Variants in RGPD3 observed in about 807,000 individuals in gnomAD.
RGPD3 encodes the protein RANBP2 like and GRIP domain containing 3.
RGPD3 carries 62 observed loss-of-function variants against 154.5 expected under a neutral mutation model. The ratio of observed to expected loss-of-function variants is 0.40; its 90% CI spans 0.33 to 0.50. The LOEUF is 0.50. RGPD3 is among the 20% of genes least tolerant of loss of function. The pLI is 0.59. For missense variants in RGPD3, 919 were observed against 1,716.8 expected, an observed-to-expected ratio of 0.54 and a Z score of 8.21; for synonymous variants, 308 against 607.0, an observed-to-expected ratio of 0.51 and a Z score of 7.24.
In RGPD3 at chr2:106,424,190, C is replaced by T. The variant is rs1260325202; in HGVS notation, c.3777G>A (p.Leu1259=). ...WDNYDLREDA[L]DDSVSSSSVH... ...CTGAGCTACTACTGACACTATCATCCAAAGCATCTTCCCTTAAATCATAGT... is the reference window on the plus strand; with the variant it reads ...CTGAGCTACTACTGACACTATCATCTAAAGCATCTTCCCTTAAATCATAGT... The change falls in exon 20 of 23, where the codon TTG becomes TTA. Residue 1259 remains leucine, a synonymous_variant. Transcript: ENST00000409886. 1 of 1,611,756 alleles carries T rather than the reference C, an allele frequency of 6.2e-7. No homozygotes were observed. Among genetic ancestry groups the T allele is most frequent in the African/African-American group, 1.3e-5 (1 of 74,828 alleles).
In RGPD3 at chr2:106,436,185, G is replaced by A. The variant is rs562306509; in HGVS notation, c.1696C>T (p.Gln566Ter). Reference protein sequence around the residue: ...VQHEINTLRAQEKHGLQPALL... With the variant: ...VQHEINTLRA ...GCAGGTTGAAGGCCATGTTTTTCCT[G>A]GGCTCTTAGAGTGTTTATTTCATGC... Residue 566 changes from glutamine (Q) to a stop codon, truncating the protein, a stop_gained, in exon 12 of 23, where the codon CAG becomes TAG. Coordinates refer to ENST00000409886, the MANE Select transcript of RGPD3 (RefSeq NM_001144013.2). LOFTEE classifies it high-confidence loss of function. 9.9e-6 allele frequency: 16 copies of A among 1,611,698 alleles called. No individual in the cohort carries two copies. The highest frequency in any genetic ancestry group is 1.7e-6 in the Non-Finnish European group (2 of 1,179,802).
At chr2:106,461,553 C>T (rs1199851209) in intron 1 of RGPD3, among the ~76,000 whole-genome samples, 4 of 151,814 alleles carry the variant, frequency 2.6e-5, no homozygotes, top group Non-Finnish European at 5.9e-5. Context: ...TTTATATAAT[C>T]TTCCATTCAA....
chr2:106,468,412 G>C lies in RGPD3; in HGVS notation c.-124C>G. On this transcript the variant is annotated 5_prime_UTR_variant, in exon 1 of 23. Transcript: ENST00000409886. ...GCGGCGTAGCCGGCGGAGGACCACT[G>C]TGACGAACTTGTGTCCTGCGTCAAC... 6.6e-7 allele frequency: 1 copy of C among 1,522,788 alleles called. No homozygotes were observed. The highest frequency in any genetic ancestry group is 8.8e-7 in the Non-Finnish European group (1 of 1,130,916). The allele number at this position is 1,522,788 out of a possible 1,614,324, so 94.3% of individuals were successfully genotyped here. A position where few individuals can be genotyped will look rare whatever the true frequency, so the allele number is the denominator to read the frequency against.
At chr2:106,428,608 G>A (rs534519127) in intron 18 of RGPD3, among the ~76,000 whole-genome samples, 8 of 151,740 alleles carry the variant, frequency 5.3e-5, no homozygotes, top group African/African-American at 1.9e-4. Flanking sequence ...TAGTGGGGTT[G>A]CCTTAACTAT....
At chr2:106,434,130 CTGAG>C (rs1186950132) in intron 15 of RGPD3, 94 bp downstream of exon 15, 139 of 1,595,354 alleles carry the variant, frequency 8.7e-5, no homozygotes, top group South Asian at 3.4e-4. Context: ...CAACATATTA[CTGAG>C]TATTTTTTGA....
intron 6 of RGPD3, among the ~76,000 whole-genome samples, chr2:106,451,552 G>A (rs1678124475): frequency 6.6e-6 from 1 of 151,208 alleles, no homozygotes; most frequent in South Asian, 2.1e-4. Context: ...ATAAACAGAG[G>A]CATGCTGCAT....
At chr2:106,447,028 T>TC (rs1210151891) in intron 7 of RGPD3, among the ~76,000 whole-genome samples, 9 of 83,764 alleles carry the variant, frequency 1.1e-4, no homozygotes, top group African/African-American at 3.7e-4. Flanking sequence ...TCTTCTATCA[T>TC]AGGCTATAAA....
chr2:106,412,292 AGT>A (rs1676693441), intron 22 of RGPD3, among the ~76,000 whole-genome samples: 2 of 76,718 alleles, frequency 2.6e-5, no homozygotes, highest in African/African-American at 4.6e-5. Flanking sequence ...ACTACATCAT[AGT>A]TTTTTTTTTT....
At position 106,415,859 on chromosome 2, in the gene RGPD3, C is replaced by T. The variant is rs748512915; in HGVS notation, c.5055G>A (p.Glu1685=). ...GGTTTTCTGATCTCACCTTAATTTG[C>T]TCCATAAGGACTGCATTGGTTGCCT... The part of the protein sequence containing the change: ...EIEATNAVLM[E]QIKLLKSEIR... Residue 1685 remains glutamate (E), a synonymous_variant, in exon 21 of 23, where the codon GAG becomes GAA. Coordinates refer to ENST00000409886, the MANE Select transcript of RGPD3 (RefSeq NM_001144013.2). 6.2e-6 allele frequency: 10 copies of T among 1,611,838 alleles called. No individual in the cohort carries two copies. Among genetic ancestry groups the T allele is most frequent in the Non-Finnish European group, 8.5e-6 (10 of 1,179,840 alleles).
In RGPD3 at chr2:106,442,497, GAAA is replaced by G. The variant is rs200777302; in HGVS notation, c.979-1120_979-1118del. On this transcript the variant is annotated intron_variant, in intron 7 of 22. Transcript: ENST00000409886. Reference sequence around the variant, plus strand: ...AAGAGATCCTAATGCAATAACCTATGAAAAAAAAAAAAAAAGCATGATGAATAG... The same window carrying G: ...AAGAGATCCTAATGCAATAACCTATGAAAAAAAAAAAAGCATGATGAATAG... 2.4e-4 allele frequency among the ~76,000 whole-genome samples: 24 copies of G among 99,156 alleles called. 2 individuals carry two copies. The highest frequency in any genetic ancestry group is 6.1e-4 in the South Asian group (2 of 3,258). 65.1% of individuals were successfully genotyped at this position (99,156 alleles called of 152,430 possible).
chr2:106,430,457 C>A (rs1573262482), intron 17 of RGPD3, among the ~76,000 whole-genome samples: 1 of 144,254 alleles, frequency 6.9e-6, no homozygotes, highest in Non-Finnish European at 1.5e-5. Context: ...AAACTTCTTT[C>A]CCCAACTTTC....
Position 106,425,146 on chromosome 2 carries a change from G to C in RGPD3, c.2821C>G (p.Leu941Val), listed in dbSNP as rs1677156673. The C allele has an allele frequency of 4.3e-6, 7 of 1,611,964 alleles. No homozygotes were observed. ...GNQEKKSEKPLENDTGLQAQD... is the reference protein window; with the variant it reads ...GNQEKKSEKPVENDTGLQAQD... The stretch of plus-strand genomic sequence containing the variant: ...GCCTGTAAGCCAGTATCATTTTCAA[G>C]AGGCTTTTCACTTTTCTTTTCTTGA... Residue 941 changes from leucine to valine, a missense_variant, in exon 20 of 23, where the codon CTT becomes GTT. By Grantham distance (32) the Leu-to-Val change is conservative (BLOSUM62 1). Coordinates refer to ENST00000409886, the MANE Select transcript of RGPD3 (RefSeq NM_001144013.2).
chr2:106,405,331 C>G (rs974642186), intron 22 of RGPD3, 102 bp from the exon 23 acceptor site: 3 of 992,002 alleles, frequency 3.0e-6, no homozygotes, highest in African/African-American at 3.5e-5. Flanking sequence ...CAAATAATGT[C>G]TTTTTTACTG....
chr2:106,438,371 C>T (rs1272343084), intron 9 of RGPD3, among the ~76,000 whole-genome samples: 1 of 150,898 alleles, frequency 6.6e-6, no homozygotes, highest in Non-Finnish European at 1.5e-5. Flanking sequence ...GCCTATGGTA[C>T]CAGCTACTCA....
In RGPD3 at chr2:106,414,991, C is replaced by A. The variant is rs184921149; in HGVS notation, c.5064+859G>T. The stretch of plus-strand genomic sequence containing the variant: ...ATGAGATTAAATAATATACGTAGAG[C>A]CCAGGGCCTGGGTCATAAGAACTCG... On this transcript the variant is annotated intron_variant, in intron 21 of 22. Transcript: ENST00000409886. 3.5e-3 allele frequency among the ~76,000 whole-genome samples: 528 copies of A among 152,166 alleles called. 2 individuals carry two copies. Among genetic ancestry groups the A allele is most frequent in the Non-Finnish European group, 4.3e-3 (295 of 68,008 alleles).
chr2:106,470,788 G>C, upstream of RGPD3: 1 of 1,595,950 alleles, frequency 6.3e-7, no homozygotes, highest in Admixed American at 1.8e-5. Context: ...GCAACACCTA[G>C]TCCTTTTCTT....
chr2:106,441,268 T>G, intron 8 of RGPD3, 25 bp downstream of exon 8: 1 of 1,390,498 alleles, frequency 7.2e-7, no homozygotes, highest in South Asian at 1.3e-5. Flanking sequence ...CTTTTTAAAT[T>G]AAATTAGTTT....
In RGPD3 at chr2:106,405,229, C is replaced by T; in HGVS notation, c.5267G>A (p.Gly1756Asp). The T allele has an allele frequency of 2.5e-6, 4 of 1,606,520 alleles. No individual in the cohort carries two copies. Among genetic ancestry groups the T allele is most frequent in the Non-Finnish European group, 3.4e-6 (4 of 1,178,198 alleles). ...EKGKLAAVAQ[G>D]EE Reference sequence around the variant, plus strand: ...AGAACGGGAAGCATTTTATTCCTCACCTTTGGAAAGTAAAACAAAAAAAAA... The same window carrying T: ...AGAACGGGAAGCATTTTATTCCTCATCTTTGGAAAGTAAAACAAAAAAAAA... The change falls in exon 23 of 23, where the codon GGT (glycine) becomes GAT (aspartate). Residue 1756 changes from glycine (G) to aspartate (D), a missense_variant and splice_region_variant. Coordinates refer to ENST00000409886, the MANE Select transcript of RGPD3 (RefSeq NM_001144013.2).
At chr2:106,441,228 T>C (rs1401461127) in intron 8 of RGPD3, 65 bp downstream of exon 8, 10 of 1,575,848 alleles carry the variant, frequency 6.3e-6, no homozygotes, top group East Asian at 2.4e-5. Flanking sequence ...GATTTTATCA[T>C]AAGATATGCC....
Sources: gnomAD v4.1 joint callset for allele counts (sites outside exome capture counted in the v4.1 genomes callset) on GRCh38, gnomAD v4.1.1 for gene constraint, MANE v1.5 for transcripts, NCBI Gene and HGNC (gene_info 2026-07-23, HGNC 2026-07-21) for gene names.